SLC24A2: variants seen among roughly 807,000 people sequenced by gnomAD.
The protein encoded by SLC24A2 is sodium/potassium/calcium exchanger 2.
Under a neutral mutation model 62.0 loss-of-function variants are expected in SLC24A2, and 36 were observed. That is an observed-to-expected ratio of 0.58 (90% CI 0.44 to 0.77). The LOEUF (loss-of-function observed/expected upper bound fraction) is 0.77, where lower values mean the gene tolerates loss of function less well. Among genes scored for constraint, SLC24A2 ranks in the 30% least tolerant of loss-of-function variants. The pLI is 0.00. For synonymous variants in SLC24A2, 358 were observed against 294.0 expected (o/e 1.22, Z -2.23); for missense variants, 846 against 817.9 (o/e 1.03, Z -0.42).
At chr9:20,153,396 G>GA in the SLC24A2 span, among the ~76,000 whole-genome samples, 1 of 151,794 alleles carries the variant, frequency 6.6e-6, no homozygotes, top group Non-Finnish European at 1.5e-5. Flanking sequence ...AAGCATAAGA[G>GA]AAAAAAGAAC....
the SLC24A2 span, among the ~76,000 whole-genome samples, chr9:20,147,887 A>G: frequency 6.6e-6 from 1 of 152,148 alleles, no homozygotes; most frequent in South Asian, 2.1e-4. Context: ...TGAAATGTCG[A>G]TAATAACACT....
the SLC24A2 span, among the ~76,000 whole-genome samples, chr9:20,157,273 C>A: frequency 6.6e-6 from 1 of 151,346 alleles, no homozygotes; most frequent in South Asian, 2.1e-4. Flanking sequence ...ATAAACCACA[C>A]ATGACCCACA....
At chr9:19,574,916 T>C (rs1442535274) in intron 6 of SLC24A2, among the ~76,000 whole-genome samples, 3 of 152,192 alleles carry the variant, frequency 2.0e-5, no homozygotes, top group Admixed American at 6.5e-5. Flanking sequence ...ATGCTCATCA[T>C]TGTCAGATCC....
chr9:20,274,530 C>A, the SLC24A2 span, among the ~76,000 whole-genome samples: 4 of 151,994 alleles, frequency 2.6e-5, no homozygotes, highest in Admixed American at 1.3e-4. Flanking sequence ...TATTGTCAAA[C>A]TCAGGTCTCT....
the SLC24A2 span, among the ~76,000 whole-genome samples, chr9:20,163,547 T>C: frequency 6.6e-6 from 1 of 151,950 alleles, no homozygotes; most frequent in African/African-American, 2.4e-5. Context: ...ATGAAAATGG[T>C]CATACTGCCC....
intron 4 of SLC24A2, among the ~76,000 whole-genome samples, chr9:19,617,986 G>A (rs1817812954): frequency 6.6e-6 from 1 of 152,224 alleles, no homozygotes; most frequent in Admixed American, 6.5e-5. Flanking sequence ...AGGGAGAGCA[G>A]TAGATACATT....
chr9:19,568,123 A>T (rs576429760), intron 7 of SLC24A2, among the ~76,000 whole-genome samples: 95 of 152,336 alleles, frequency 6.2e-4, no homozygotes, highest in Non-Finnish European at 1.2e-3. Flanking sequence ...TGCTAAAAAT[A>T]CAACTCAAAA....
intron 2 of SLC24A2, among the ~76,000 whole-genome samples, chr9:19,676,891 C>T (rs563575657): frequency 2.0e-5 from 3 of 152,154 alleles, no homozygotes; most frequent in African/African-American, 7.2e-5. Context: ...TACCATCTCA[C>T]ACCAGTCAGA....
the SLC24A2 span, among the ~76,000 whole-genome samples, chr9:20,039,002 T>C: frequency 6.6e-6 from 1 of 152,146 alleles, no homozygotes; most frequent in African/African-American, 2.4e-5. Flanking sequence ...AAATTCAACA[T>C]AATATAAAAT....
the SLC24A2 span, among the ~76,000 whole-genome samples, chr9:20,060,801 C>A: frequency 6.6e-6 from 1 of 152,130 alleles, no homozygotes; most frequent in Admixed American, 6.5e-5. Flanking sequence ...AGGGAACACA[C>A]ACACACAATG....
At chr9:19,730,149 C>T (rs1389402495) in intron 2 of SLC24A2, among the ~76,000 whole-genome samples, 1 of 152,178 alleles carries the variant, frequency 6.6e-6, no homozygotes, top group African/African-American at 2.4e-5. Context: ...GAACAAGTGT[C>T]ACCAAAGAGA....
chr9:20,002,518 C>T, the SLC24A2 span, among the ~76,000 whole-genome samples: 1 of 151,996 alleles, frequency 6.6e-6, no homozygotes, highest in East Asian at 1.9e-4. Flanking sequence ...CTCAGGTACC[C>T]TTATTAGACC....
chr9:20,302,925 T>C, the SLC24A2 span, among the ~76,000 whole-genome samples: 1 of 152,240 alleles, frequency 6.6e-6, no homozygotes, highest in Admixed American at 6.5e-5. Flanking sequence ...TATTGATAAT[T>C]GTGCACTTTT....
the SLC24A2 span, among the ~76,000 whole-genome samples, chr9:19,919,717 G>C: frequency 1.3e-5 from 2 of 152,170 alleles, no homozygotes; most frequent in Non-Finnish European, 2.9e-5. Flanking sequence ...AATCATGGCA[G>C]AAGGGGAAGC....
chr9:19,918,077 TA>T, the SLC24A2 span, among the ~76,000 whole-genome samples: 3 of 152,224 alleles, frequency 2.0e-5, no homozygotes, highest in Non-Finnish European at 4.4e-5. Context: ...AGTTGAACTT[TA>T]TTACAATCTT....
chr9:19,529,462 G>C (rs1833595130), intron 8 of SLC24A2, among the ~76,000 whole-genome samples: 1 of 152,120 alleles, frequency 6.6e-6, no homozygotes, highest in Non-Finnish European at 1.5e-5. Flanking sequence ...GCATGGTTCT[G>C]TTAAATTTTA....
intron 2 of SLC24A2, among the ~76,000 whole-genome samples, chr9:19,767,250 T>G (rs1822544577): frequency 1.3e-5 from 2 of 152,202 alleles, no homozygotes; most frequent in South Asian, 4.1e-4. Context: ...TGGGATCTGC[T>G]TAGCTAGACC....
chr9:19,853,080 T>A, the SLC24A2 span, among the ~76,000 whole-genome samples: 1 of 152,120 alleles, frequency 6.6e-6, no homozygotes, highest in South Asian at 2.1e-4. Context: ...TTGTAGCAAT[T>A]GTGAATAAAA....
chr9:19,751,116 A>G (rs1040447201), intron 2 of SLC24A2, among the ~76,000 whole-genome samples: 4 of 152,138 alleles, frequency 2.6e-5, no homozygotes, highest in Non-Finnish European at 5.9e-5. Context: ...GGGAGGGAAT[A>G]TGCCTTATTT....
Sources: allele counts gnomAD v4.1 joint callset (sites outside exome capture counted in the v4.1 genomes callset), GRCh38; gene constraint gnomAD v4.1.1; transcripts MANE v1.5; gene names NCBI Gene and HGNC (gene_info 2026-07-23, HGNC 2026-07-21).